LRRC37A2: variants seen among roughly 807,000 people sequenced by gnomAD.
LRRC37A2 encodes the protein leucine rich repeat containing 37 member A2, also known as leucine-rich repeat-containing protein 37A2.
LRRC37A2 carries 9 observed loss-of-function variants against 68.8 expected under a neutral mutation model. That is an observed-to-expected ratio of 0.13 (90% CI 0.08 to 0.23). LRRC37A2 has a LOEUF of 0.23. Among genes scored for constraint, LRRC37A2 ranks in the 10% least tolerant of loss-of-function variants. The pLI, the probability that LRRC37A2 is intolerant of heterozygous loss-of-function variation, is 1.00. For missense variants in LRRC37A2, 168 were observed against 950.4 expected (o/e 0.18, Z 10.82); for synonymous variants, 63 against 367.6 (o/e 0.17, Z 9.48).
intron 4 of LRRC37A2, among the ~76,000 whole-genome samples, chr17:46,520,849 C>A: frequency 1.6e-5 from 1 of 62,818 alleles, no homozygotes; most frequent in African/African-American, 5.2e-5. Flanking sequence ...ATGGAGACCA[C>A]CTGCATTCAT....
chr17:47,016,969 C>T, the LRRC37A2 span, among the ~76,000 whole-genome samples: 7 of 88,958 alleles, frequency 7.9e-5, no homozygotes, highest in African/African-American at 2.4e-4. Context: ...CCACAGCAGG[C>T]GCTGGAGTCC....
the LRRC37A2 span, among the ~76,000 whole-genome samples, chr17:46,815,178 G>A: frequency 3.3e-5 from 5 of 151,444 alleles, no homozygotes; most frequent in East Asian, 2.0e-4. Flanking sequence ...CCACCCCAGC[G>A]CCCCCAAGAA....
chr17:46,810,761 T>C, the LRRC37A2 span, among the ~76,000 whole-genome samples: 1 of 152,044 alleles, frequency 6.6e-6, no homozygotes, highest in African/African-American at 2.4e-5. Context: ...CCTCCATGAC[T>C]GCAATCTCGG....
chr17:46,544,101 G>A (rs1215455017), intron 8 of LRRC37A2, among the ~76,000 whole-genome samples: 1 of 115,914 alleles, frequency 8.6e-6, no homozygotes, highest in East Asian at 2.4e-4. Context: ...GTGTAACAGA[G>A]CGAGACCCGG....
chr17:46,425,170 GC>G, the LRRC37A2 span, among the ~76,000 whole-genome samples: 2 of 38,874 alleles, frequency 5.1e-5, no homozygotes, highest in African/African-American at 8.2e-5. Context: ...TTGCATTTCT[GC>G]CAGCTAGTGT....
the LRRC37A2 span, among the ~76,000 whole-genome samples, chr17:46,602,706 T>C: frequency 6.9e-6 from 1 of 144,450 alleles, no homozygotes; most frequent in Non-Finnish European, 1.5e-5. Flanking sequence ...TCACTAATTC[T>C]GAGTCTTCCA....
the LRRC37A2 span, among the ~76,000 whole-genome samples, chr17:46,844,499 A>G: frequency 6.6e-6 from 1 of 152,060 alleles, no homozygotes; most frequent in African/African-American, 2.4e-5. Flanking sequence ...ACTTCCTGTA[A>G]ACTTATTTGT....
the LRRC37A2 span, chr17:46,875,062 C>T: frequency 1.2e-6 from 2 of 1,613,342 alleles, no homozygotes; most frequent in Non-Finnish European, 8.5e-7. Context: ...CTCTCTTCCC[C>T]CTTTCCTCCC....
At chr17:47,022,166 C>CTTTTTTTT in the LRRC37A2 span, among the ~76,000 whole-genome samples, 229 of 15,834 alleles carry the variant, frequency 0.014, 14 homozygotes, top group Middle Eastern at 0.071. Context: ...CCTTTTTGTT[C>CTTTTTTTT]TCTTTTTTTT....
At chr17:47,035,882 T>C in the LRRC37A2 span, among the ~76,000 whole-genome samples, 4 of 152,124 alleles carry the variant, frequency 2.6e-5, no homozygotes, top group South Asian at 2.1e-4. Context: ...CTCGCTGCAG[T>C]TTTTGATGGA....
chr17:46,871,930 T>G, the LRRC37A2 span, among the ~76,000 whole-genome samples: 4 of 152,326 alleles, frequency 2.6e-5, no homozygotes, highest in African/African-American at 9.6e-5. Context: ...CTGGGAATTA[T>G]GGAAACATGT....
chr17:46,679,692 CA>C, the LRRC37A2 span, among the ~76,000 whole-genome samples: 32 of 101,504 alleles, frequency 3.2e-4, no homozygotes, highest in East Asian at 2.1e-3. Flanking sequence ...AACTCCATGT[CA>C]AAAAAAAAAA....
At chr17:47,019,450 T>C in the LRRC37A2 span, 2 of 1,608,998 alleles carry the variant, frequency 1.2e-6, no homozygotes, top group African/African-American at 2.7e-5. Context: ...GACCTAGGGC[T>C]TGCCATAACT....
the LRRC37A2 span, among the ~76,000 whole-genome samples, chr17:46,708,271 C>T: frequency 3.3e-4 from 50 of 151,996 alleles, 1 homozygote; most frequent in African/African-American, 2.4e-4. Context: ...ACCACCATAC[C>T]GTTTTCCACG....
chr17:46,824,083 G>A, the LRRC37A2 span, among the ~76,000 whole-genome samples: 96,673 of 151,804 alleles, frequency 0.64, 31,752 homozygotes, highest in East Asian at 0.94. Flanking sequence ...GGATTTATCC[G>A]GGATAATGTT....
At chr17:46,404,908 A>G in the LRRC37A2 span, among the ~76,000 whole-genome samples, 1 of 100,512 alleles carries the variant, frequency 9.9e-6, no homozygotes. Flanking sequence ...ATAAATAAAT[A>G]AATAAATGGT....
the LRRC37A2 span, among the ~76,000 whole-genome samples, chr17:46,962,786 T>C: frequency 1.3e-5 from 2 of 152,206 alleles, no homozygotes; most frequent in Non-Finnish European, 2.9e-5. Context: ...CCAGTTAACC[T>C]GCAGGATCAT....
the LRRC37A2 span, among the ~76,000 whole-genome samples, chr17:46,741,596 AAAG>A: frequency 6.6e-6 from 1 of 152,106 alleles, no homozygotes; most frequent in African/African-American, 2.4e-5. Context: ...TGCAAAAAAA[AAAG>A]AAAAGAAAAA....
chr17:46,755,359 G>T, the LRRC37A2 span: 2 of 1,613,364 alleles, frequency 1.2e-6, no homozygotes, highest in Non-Finnish European at 1.7e-6. Context: ...CCTCTTAAGA[G>T]AAGAAGGAGC....
Sources: gnomAD v4.1 joint callset for allele counts (sites outside exome capture counted in the v4.1 genomes callset) on GRCh38, gnomAD v4.1.1 for gene constraint, MANE v1.5 for transcripts, NCBI Gene and HGNC (gene_info 2026-07-23, HGNC 2026-07-21) for gene names.